OPN3: variants seen among roughly 807,000 people sequenced by gnomAD.
The protein encoded by OPN3 is opsin-3.
In OPN3, 29 loss-of-function variants were observed where a neutral mutation model predicts 33.8. That is an observed-to-expected ratio of 0.86 (90% confidence interval 0.64 to 1.17). OPN3 has a LOEUF of 1.17. OPN3 is among the 50% of genes most tolerant of loss of function. The probability of loss-of-function intolerance (pLI) is 0.00; values close to 1 mark genes in which losing one functional copy is unlikely to be tolerated. For synonymous variants in OPN3, 216 were observed against 216.1 expected, an observed-to-expected ratio of 1.00 and a Z score of 0.00; for missense variants, 437 against 514.1, an observed-to-expected ratio of 0.85 and a Z score of 1.45.
intron 1 of OPN3, among the ~76,000 whole-genome samples, chr1:241,626,749 G>A (rs892201081): frequency 6.6e-6 from 1 of 152,132 alleles, no homozygotes; most frequent in Non-Finnish European, 1.5e-5. Context: ...TCCCCATACT[G>A]GGTAATATTT....
chr1:241,611,563 G>C (rs1218048752), intron 1 of OPN3, among the ~76,000 whole-genome samples: 1 of 151,288 alleles, frequency 6.6e-6, no homozygotes, highest in African/African-American at 2.4e-5. Context: ...TCCAGGAAGA[G>C]AAAACAGCTT....
At chr1:241,630,269 C>T (rs1000467306) in intron 1 of OPN3, 1 of 152,048 alleles carries the variant, frequency 6.6e-6, no homozygotes, top group Non-Finnish European at 1.5e-5. Flanking sequence ...TTTTCCACTA[C>T]ACTGGCATGG....
chr1:241,604,158 G>A, intron 2 of OPN3, 102 bp downstream of exon 2: 1 of 1,041,330 alleles, frequency 9.6e-7, no homozygotes, highest in South Asian at 1.5e-5. Flanking sequence ...CTCTACCTCT[G>A]GGCAACTACT....
intron 1 of OPN3, among the ~76,000 whole-genome samples, chr1:241,614,891 A>C (rs1259167105): frequency 6.6e-6 from 1 of 151,010 alleles, no homozygotes; most frequent in Non-Finnish European, 1.5e-5. Context: ...ACAAAGCTTT[A>C]GGCGTTTGTT....
chr1:241,613,441 T>C (rs570430374), intron 1 of OPN3, among the ~76,000 whole-genome samples: 1 of 152,372 alleles, frequency 6.6e-6, no homozygotes, highest in South Asian at 2.1e-4. Flanking sequence ...ATACTTGTTT[T>C]CTAATTCTTC....
chr1:241,596,059 T>C (rs1663499694), intron 3 of OPN3, among the ~76,000 whole-genome samples: 3 of 152,222 alleles, frequency 2.0e-5, no homozygotes, highest in Admixed American at 2.0e-4. Flanking sequence ...ATGCAGAATA[T>C]TGGGCAACCA....
chr1:241,597,550 C>T (rs913147138), intron 3 of OPN3, among the ~76,000 whole-genome samples, 196 bp downstream of exon 3: 2 of 151,990 alleles, frequency 1.3e-5, no homozygotes, highest in African/African-American at 4.8e-5. Flanking sequence ...AAGTGTGAAT[C>T]CCTATGGGTA....
chr1:241,604,430 C>T lies in OPN3; in HGVS notation c.523G>A (p.Gly175Arg), dbSNP rs1573952924. Reference protein sequence around the residue: ...SLAWAGAPLLGWNRYILDVHG... With the variant: ...SLAWAGAPLLRWNRYILDVHG... The stretch of plus-strand genomic sequence containing the variant: ...ACGTCCAGGATGTACCTGTTCCATC[C>T]CAGGAGAGGTGCTCCTGCCCACGCC... The change falls in exon 2 of 4, where the codon GGA becomes AGA. Residue 175 changes from glycine to arginine, a missense_variant. By Grantham distance (125) the Gly-to-Arg change is moderately radical (BLOSUM62 -2). Transcript: ENST00000366554. 2 of 1,614,018 alleles carry T rather than the reference C, an allele frequency of 1.2e-6. No individual in the cohort carries two copies. Among genetic ancestry groups the T allele is most frequent in the African/African-American group, 1.3e-5 (1 of 74,894 alleles).
At chr1:241,595,341 A>G (rs1663473898) in intron 3 of OPN3, 1 of 152,292 alleles carries the variant, frequency 6.6e-6, no homozygotes, top group Non-Finnish European at 1.5e-5. Flanking sequence ...GCCAACGCCT[A>G]AAGATCATAA....
At chr1:241,618,470 C>G (rs1189628947) in intron 1 of OPN3, among the ~76,000 whole-genome samples, 1 of 152,220 alleles carries the variant, frequency 6.6e-6, no homozygotes, top group African/African-American at 2.4e-5. Context: ...TTAATATAAT[C>G]TCTATCACTA....
rs79579555 is a variant in OPN3, at chr1:241,621,420, A to G, written c.374-16841T>C. On this transcript the variant is annotated intron_variant, in intron 1 of 3. Coordinates refer to ENST00000366554, the MANE Select transcript of OPN3 (RefSeq NM_014322.3). ...AGGCTGTGAACAAGAGGTGACAGCT[A>G]AAGTTTTATATTCCCTGCACATCTG... 7.2e-3 allele frequency among the ~76,000 whole-genome samples: 1,096 copies of G among 152,276 alleles called. 18 individuals carry two copies. The highest frequency in any genetic ancestry group is 0.052 in the East Asian group (267 of 5,170).
At chr1:241,598,175 C>A (rs1018818709) in intron 2 of OPN3, among the ~76,000 whole-genome samples, 178 bp from the exon 3 acceptor site, 23 of 152,138 alleles carry the variant, frequency 1.5e-4, no homozygotes, top group African/African-American at 5.3e-4. Flanking sequence ...CAGCTTTAAC[C>A]TTGCCGGGCC....
intron 1 of OPN3, chr1:241,635,644 G>C: frequency 1.2e-6 from 2 of 1,614,040 alleles, no homozygotes; most frequent in East Asian, 2.2e-5. Flanking sequence ...CTCCATAGTA[G>C]CTTCTTGAAT....
At chr1:241,610,454 C>T (rs1007153749) in intron 1 of OPN3, among the ~76,000 whole-genome samples, 1 of 152,018 alleles carries the variant, frequency 6.6e-6, no homozygotes, top group Non-Finnish European at 1.5e-5. Flanking sequence ...ATCAAGTTGA[C>T]AAGAGTGAGG....
chr1:241,596,218 G>C (rs1663503804), intron 3 of OPN3, among the ~76,000 whole-genome samples: 1 of 152,216 alleles, frequency 6.6e-6, no homozygotes, highest in African/African-American at 2.4e-5. Flanking sequence ...AATTTTGTCT[G>C]TTGAGAGGGT....
chr1:241,616,607 G>A (rs1664137533), intron 1 of OPN3, among the ~76,000 whole-genome samples: 1 of 151,860 alleles, frequency 6.6e-6, no homozygotes, highest in African/African-American at 2.4e-5. Context: ...ACCGAGAATA[G>A]TACAAGGGAT....
Position 241,604,369 on chromosome 1 carries a change from T to G in OPN3, c.584A>C (p.Lys195Thr). 3 of 1,614,166 alleles carry G rather than the reference T, an allele frequency of 1.9e-6. No homozygotes were observed. Among genetic ancestry groups the G allele is most frequent in the Non-Finnish European group, 2.5e-6 (3 of 1,180,024 alleles). ...CACAAAGGAGGAATCGTTGGCATCC[T>G]TGGATTTCCAGTCCACAGTGCAGCC... ...GLGCTVDWKS[K>T]DANDSSFVLF... is the part of the protein sequence containing the mutation. Residue 195 changes from lysine to threonine, a missense_variant, in exon 2 of 4, where the codon AAG becomes ACG. By Grantham distance (78) the Lys-to-Thr change is moderately conservative. Coordinates refer to ENST00000366554, the MANE Select transcript of OPN3 (RefSeq NM_014322.3).
intron 1 of OPN3, among the ~76,000 whole-genome samples, chr1:241,613,482 G>A (rs1290668371): frequency 6.6e-6 from 1 of 152,158 alleles, no homozygotes; most frequent in East Asian, 1.9e-4. Flanking sequence ...TTATATTAGT[G>A]ATGTAGAGTC....
intron 1 of OPN3, chr1:241,630,835 A>G (rs530819991): frequency 6.6e-6 from 1 of 152,080 alleles, no homozygotes; most frequent in African/African-American, 2.4e-5. Flanking sequence ...GGATTTTACT[A>G]TTTGTTCTTT....
Sources: gnomAD v4.1 joint callset for allele counts (sites outside exome capture counted in the v4.1 genomes callset) on GRCh38, gnomAD v4.1.1 for gene constraint, MANE v1.5 for transcripts, NCBI Gene and HGNC (gene_info 2026-07-23, HGNC 2026-07-21) for gene names.